CTNNA3: variants seen among roughly 807,000 people sequenced by gnomAD.
The protein encoded by CTNNA3 is catenin alpha-3.
A neutral mutation model predicts 95.7 loss-of-function variants in CTNNA3; 76 were observed. The observed-to-expected ratio is 0.79, with a 90% CI of 0.66 to 0.96. The LOEUF is 0.96. Among genes scored for constraint, CTNNA3 ranks in the 40% least tolerant of loss-of-function variants. The pLI is 0.00. For missense variants in CTNNA3, 1,191 were observed against 1,089.8 expected, an observed-to-expected ratio of 1.09 and a Z score of -1.31; for synonymous variants, 431 against 374.4, an observed-to-expected ratio of 1.15 and a Z score of -1.74.
intron 13 of CTNNA3, among the ~76,000 whole-genome samples, chr10:66,117,847 A>G (rs536341410): frequency 9.2e-5 from 14 of 152,332 alleles, no homozygotes; most frequent in Admixed American, 4.6e-4. Flanking sequence ...CTATGGAGCT[A>G]TCCTAAGTAA....
chr10:66,978,960 CTTTTTTTTTTT>C (rs34112681), intron 7 of CTNNA3, among the ~76,000 whole-genome samples: 1 of 83,782 alleles, frequency 1.2e-5, no homozygotes, highest in South Asian at 5.0e-4. Context: ...TACTTATTTC[CTTTTTTTTTTT>C]TTTTTTTTTT....
At chr10:66,547,120 C>G (rs1353896963) in intron 10 of CTNNA3, among the ~76,000 whole-genome samples, 2 of 151,954 alleles carry the variant, frequency 1.3e-5, no homozygotes, top group Non-Finnish European at 2.9e-5. Context: ...ATTACCTTAG[C>G]AGAAGGAAGT....
chr10:66,064,182 G>A (rs1293206907), intron 15 of CTNNA3, among the ~76,000 whole-genome samples: 1 of 152,092 alleles, frequency 6.6e-6, no homozygotes, highest in Non-Finnish European at 1.5e-5. Context: ...GAAGGCGGAA[G>A]AGCCCCTTAT....
intron 13 of CTNNA3, among the ~76,000 whole-genome samples, chr10:66,198,044 C>T (rs544096084): frequency 7.9e-5 from 12 of 152,214 alleles, no homozygotes; most frequent in African/African-American, 2.6e-4. Flanking sequence ...TTTTGTTCCT[C>T]AGATAGAGAC....
chr10:67,063,069 G>A (rs1855856779), intron 7 of CTNNA3, among the ~76,000 whole-genome samples: 1 of 152,020 alleles, frequency 6.6e-6, no homozygotes, highest in South Asian at 2.1e-4. Flanking sequence ...TATTAAGTGT[G>A]ATTTCTATTT....
chr10:66,652,043 C>A (rs997706521), intron 9 of CTNNA3, among the ~76,000 whole-genome samples: 3 of 142,880 alleles, frequency 2.1e-5, no homozygotes, highest in Non-Finnish European at 4.6e-5. Flanking sequence ...TAGCAATAGA[C>A]ACCCATAATA....
chr10:67,399,134 G>A (rs539533535), intron 5 of CTNNA3, among the ~76,000 whole-genome samples: 77 of 152,186 alleles, frequency 5.1e-4, no homozygotes, highest in African/African-American at 1.8e-3. Flanking sequence ...CTCAGTGGGG[G>A]CAGAGGCAGA....
rs2092816708 is a variant in CTNNA3, at chr10:66,379,160, G to C, written c.1724C>G (p.Thr575Arg). 1.2e-6 allele frequency: 2 copies of C among 1,613,294 alleles called. No individual in the cohort carries two copies. The highest frequency in any genetic ancestry group is 1.7e-5 in the Admixed American group (1 of 59,986). Residue 575 changes from threonine to arginine, a missense_variant, in exon 12 of 18, where the codon ACA (threonine) becomes AGA (arginine). Physicochemically the swap from Thr to Arg is moderately conservative, Grantham distance 71. Coordinates refer to ENST00000433211, the MANE Select transcript of CTNNA3 (RefSeq NM_013266.4). ...ATTGGCAACTGACTTACCAGTACTTGTAAGGAAGTTAACATTTCTCATTAC... is the reference window on the plus strand; with the variant it reads ...ATTGGCAACTGACTTACCAGTACTTCTAAGGAAGTTAACATTTCTCATTAC... ...EGVMRNVNFL[T>R]STVIPEFVTQ...
chr10:67,596,644 G>A (rs1842939022), intron 3 of CTNNA3, among the ~76,000 whole-genome samples: 2 of 152,174 alleles, frequency 1.3e-5, no homozygotes, highest in South Asian at 2.1e-4. Context: ...TCCACTATTA[G>A]CCTGATGGGA....
In CTNNA3 at chr10:66,331,705, C is replaced by T. The variant is rs549815858; in HGVS notation, c.1732+47447G>A. Among the ~76,000 whole-genome samples, 441 of 151,942 alleles carry T rather than the reference C, an allele frequency of 2.9e-3. 9 individuals are homozygous for T. Among genetic ancestry groups the T allele is most frequent in the Non-Finnish European group, 5.3e-3 (359 of 67,960 alleles). Reference sequence around the variant, plus strand: ...TACCATGCTGTTTTGGTTACTGTAGCCTTGTAGTATAGTTTGAAGTCAGGT... The same window carrying T: ...TACCATGCTGTTTTGGTTACTGTAGTCTTGTAGTATAGTTTGAAGTCAGGT... On this transcript the variant is annotated intron_variant, in intron 12 of 17. Transcript: ENST00000433211.
At chr10:67,633,147 A>G (rs956436045) in intron 2 of CTNNA3, among the ~76,000 whole-genome samples, 2 of 152,004 alleles carry the variant, frequency 1.3e-5, no homozygotes, top group South Asian at 2.1e-4. Context: ...TAGGACCCCA[A>G]TCCATTCCTC....
At chr10:66,856,462 T>C (rs918700409) in intron 7 of CTNNA3, among the ~76,000 whole-genome samples, 7 of 152,020 alleles carry the variant, frequency 4.6e-5, no homozygotes, top group Non-Finnish European at 1.0e-4. Context: ...GGTAATTCTG[T>C]TTTTAGTTTC....
chr10:67,671,516 C>G (rs989425899), intron 1 of CTNNA3, among the ~76,000 whole-genome samples: 2 of 144,926 alleles, frequency 1.4e-5, no homozygotes, highest in Non-Finnish European at 3.0e-5. Flanking sequence ...CCGCTCCCCC[C>G]ACCCCACAAC....
At chr10:66,318,755 TA>T (rs2092138965) in intron 12 of CTNNA3, among the ~76,000 whole-genome samples, 1 of 152,092 alleles carries the variant, frequency 6.6e-6, no homozygotes. Context: ...TCTTCAAAGC[TA>T]ATTATGCTGC....
Position 67,483,760 on chromosome 10 carries a change from A to T in CTNNA3, c.579+38082T>A, listed in dbSNP as rs1451447375. Among the ~76,000 whole-genome samples, 6 of 143,618 alleles carry T rather than the reference A, an allele frequency of 4.2e-5. No homozygotes were observed. The East Asian group carries it at 1.2e-3, about 28-fold the overall frequency. 94.2% of individuals were successfully genotyped at this position (143,618 alleles called of 152,430 possible). ...GTACCCTAAAACTTAAAGTATAATA[A>T]TAAAAAAATAAAAATTAAAAAAAAA... On this transcript the variant is annotated intron_variant, in intron 5 of 17. Coordinates refer to ENST00000433211, the MANE Select transcript of CTNNA3 (RefSeq NM_013266.4).
intron 13 of CTNNA3, among the ~76,000 whole-genome samples, chr10:66,168,142 A>C (rs145882364): frequency 2.6e-5 from 4 of 152,310 alleles, no homozygotes; most frequent in African/African-American, 9.6e-5. Context: ...TTTGATGAAC[A>C]ATATATAACT....
At position 65,917,003 on chromosome 10, in the gene CTNNA3, T is replaced by C. The variant is rs889320814; in HGVS notation, c.*3327A>G. Reference sequence around the variant, plus strand: ...TATATTCACAATTTTAGCTTGAAATTGAAACCGACTGCCTTTGAAGCTAAA... The same window carrying C: ...TATATTCACAATTTTAGCTTGAAATCGAAACCGACTGCCTTTGAAGCTAAA... On this transcript the variant is annotated 3_prime_UTR_variant, in exon 18 of 18. Transcript: ENST00000433211. The C allele has an allele frequency of 1.4e-4, 22 of 152,274 alleles. No homozygotes were observed. The East Asian group carries it at 1.9e-3, about 13-fold the overall frequency. The allele number at this position is 152,274 out of a possible 1,614,324, so 9.4% of individuals were successfully genotyped here.
In CTNNA3 at chr10:65,914,652, C is replaced by T. The variant is rs1300012761; in HGVS notation, c.*5678G>A. 2.6e-5 allele frequency: 4 copies of T among 152,096 alleles called. No homozygotes were observed. Among genetic ancestry groups the T allele is most frequent in the African/African-American group, 9.7e-5 (4 of 41,422 alleles). The allele number at this position is 152,096 out of a possible 1,614,324, so 9.4% of individuals were successfully genotyped here. A position where few individuals can be genotyped will look rare whatever the true frequency, so the allele number is the denominator to read the frequency against. On this transcript the variant is annotated 3_prime_UTR_variant, in exon 18 of 18. Transcript: ENST00000433211. ...AATTTTAAACACAGTCACATGTTAG[C>T]AGTAAAAGAGGAAAGGATTGGTGTT...
intron 2 of CTNNA3, among the ~76,000 whole-genome samples, chr10:67,634,906 C>T (rs1446392500): frequency 3.3e-5 from 5 of 152,018 alleles, no homozygotes. Flanking sequence ...ATCATCAAGA[C>T]AGAAAATTAA....
Sources: gnomAD v4.1 joint callset for allele counts (sites outside exome capture counted in the v4.1 genomes callset) on GRCh38, gnomAD v4.1.1 for gene constraint, MANE v1.5 for transcripts, NCBI Gene and HGNC (gene_info 2026-07-23, HGNC 2026-07-21) for gene names.